Variants in ZMIZ1 observed in about 807,000 individuals in gnomAD.
ZMIZ1 encodes zinc finger MIZ domain-containing protein 1.
In ZMIZ1, 17 loss-of-function variants were observed where a neutral mutation model predicts 113.9. The observed-to-expected ratio is 0.15, with a 90% CI of 0.10 to 0.22. ZMIZ1 has a LOEUF of 0.22. Among genes scored for constraint, ZMIZ1 ranks in the 10% least tolerant of loss-of-function variants. ZMIZ1 has a pLI of 1.00. For synonymous variants in ZMIZ1, 607 were observed against 603.1 expected (o/e 1.01, Z -0.09); for missense variants, 1,059 against 1,477.8 (o/e 0.72, Z 4.65).
intron 4 of ZMIZ1, among the ~76,000 whole-genome samples, chr10:79,181,089 G>A (rs1847105787): frequency 6.6e-6 from 1 of 152,230 alleles, no homozygotes; most frequent in South Asian, 2.1e-4. Context: ...AGGCAGAGCT[G>A]TGGGTTCCCA....
intron 2 of ZMIZ1, among the ~76,000 whole-genome samples, chr10:79,136,986 G>A (rs988265937): frequency 1.3e-5 from 2 of 152,090 alleles, no homozygotes; most frequent in Non-Finnish European, 2.9e-5. Context: ...GTTAAACAGG[G>A]GCCTCATGAG....
At chr10:79,307,789 G>C (rs1244258511) in intron 23 of ZMIZ1, among the ~76,000 whole-genome samples, 2 of 151,930 alleles carry the variant, frequency 1.3e-5, no homozygotes, top group East Asian at 3.9e-4. Context: ...TCTGGAGATG[G>C]GGGAAGCTTC....
Position 79,305,344 on chromosome 10 carries a change from G to A in ZMIZ1, c.2354+113G>A. ...AAATGCAAACCAGAACCCAAACATG[G>A]CAGAGGGGCTCAGGTTATGGGGGCT... On this transcript the variant is annotated intron_variant, in intron 20 of 24. Transcript: ENST00000334512. The A allele has an allele frequency of 3.8e-6, 5 of 1,330,348 alleles. No individual in the cohort carries two copies. In the East Asian group the frequency reaches 9.3e-5, roughly 25 times the overall value. 82.4% of individuals were successfully genotyped at this position (1,330,348 alleles called of 1,614,324 possible).
At position 79,306,172 on chromosome 10, in the gene ZMIZ1, C is replaced by T; in HGVS notation, c.2496C>T (p.His832=). 1.9e-6 allele frequency: 3 copies of T among 1,614,140 alleles called. No homozygotes were observed. The highest frequency in any genetic ancestry group is 1.3e-5 in the African/African-American group (1 of 75,066). Residue 832 remains histidine, a synonymous_variant, in exon 22 of 25, where the codon CAC becomes CAT. Coordinates refer to ENST00000334512, the MANE Select transcript of ZMIZ1 (RefSeq NM_020338.4). ...CGGTGCCCATCAAGTCGGACTTACA[C>T]ATCAAGGACGACCCTGATGGCATCC... ...WRPVPIKSDL[H]IKDDPDGIPS... is the part of the protein sequence containing the mutation.
chr10:79,082,653 C>G (rs541588794), intron 1 of ZMIZ1, among the ~76,000 whole-genome samples: 34 of 152,364 alleles, frequency 2.2e-4, no homozygotes, highest in African/African-American at 8.2e-4. Context: ...TGGTCTCCCC[C>G]TACTTTCACC....
At chr10:79,084,426 T>C (rs1274697589) in intron 1 of ZMIZ1, among the ~76,000 whole-genome samples, 5 of 152,210 alleles carry the variant, frequency 3.3e-5, no homozygotes, top group Non-Finnish European at 5.9e-5. Context: ...TTGGTTACTA[T>C]GGAAACAAGG....
At chr10:79,290,825 C>T in intron 9 of ZMIZ1, 134 bp from the exon 10 acceptor site, 3 of 1,008,446 alleles carry the variant, frequency 3.0e-6, no homozygotes, top group Non-Finnish European at 4.6e-6. Context: ...TTCATCCACC[C>T]TCCATTTTTT....
intron 1 of ZMIZ1, among the ~76,000 whole-genome samples, chr10:79,086,274 C>T (rs1250007): frequency 0.26 from 39,802 of 152,042 alleles, 6,458 homozygotes; most frequent in African/African-American, 0.46. Flanking sequence ...TCCCAGGGAC[C>T]TCCTAGGCAT....
At chr10:79,104,732 A>G (rs2132273208) in intron 1 of ZMIZ1, among the ~76,000 whole-genome samples, 1 of 152,216 alleles carries the variant, frequency 6.6e-6, no homozygotes, top group Non-Finnish European at 1.5e-5. Flanking sequence ...GAGGCCGTGA[A>G]CCTCACCGTA....
chr10:79,312,451 C>T lies in ZMIZ1; in HGVS notation c.3097-191C>T, dbSNP rs1026655237. 3.9e-5 allele frequency among the ~76,000 whole-genome samples: 6 copies of T among 152,234 alleles called. No homozygotes were observed. The East Asian group carries it at 5.8e-4, about 15-fold the overall frequency. ...AATGAGCATGGGGGTGCCCCACACT[C>T]GGTGCAGTGGCCGGGGTATGTGTGG... On this transcript the variant is annotated intron_variant, in intron 24 of 24. Coordinates refer to ENST00000334512, the MANE Select transcript of ZMIZ1 (RefSeq NM_020338.4).
At chr10:79,110,711 A>T (rs1347115281) in intron 1 of ZMIZ1, among the ~76,000 whole-genome samples, 1 of 152,242 alleles carries the variant, frequency 6.6e-6, no homozygotes, top group African/African-American at 2.4e-5. Context: ...GCTGGCTCAG[A>T]GGCTCTGAAA....
intron 7 of ZMIZ1, among the ~76,000 whole-genome samples, chr10:79,274,245 C>T (rs776629021): frequency 2.0e-5 from 3 of 152,242 alleles, no homozygotes; most frequent in Non-Finnish European, 2.9e-5. Flanking sequence ...CAGGTCCTCC[C>T]GTCTCTCCCA....
intron 1 of ZMIZ1, among the ~76,000 whole-genome samples, chr10:79,098,740 C>T (rs182455877): frequency 1.6e-4 from 24 of 152,288 alleles, no homozygotes; most frequent in Admixed American, 7.2e-4. Context: ...GCTGAGGCTG[C>T]GGTTGAGAAG....
chr10:79,184,173 G>C (rs1847250317), intron 4 of ZMIZ1, among the ~76,000 whole-genome samples: 1 of 152,200 alleles, frequency 6.6e-6, no homozygotes, highest in Non-Finnish European at 1.5e-5. Flanking sequence ...AAGAAAAGGG[G>C]AGGTTCTGGG....
chr10:79,126,571 T>C (rs1165316020), intron 2 of ZMIZ1, among the ~76,000 whole-genome samples: 1 of 152,234 alleles, frequency 6.6e-6, no homozygotes, highest in African/African-American at 2.4e-5. Context: ...GGGCAGATAA[T>C]GGGGGCTTTG....
intron 7 of ZMIZ1, among the ~76,000 whole-genome samples, chr10:79,269,280 A>AT (rs1236470373): frequency 6.6e-6 from 1 of 152,036 alleles, no homozygotes; most frequent in Non-Finnish European, 1.5e-5. Flanking sequence ...TCATATTTTT[A>AT]TTGGAATCAT....
At chr10:79,207,024 G>A (rs1848344691) in intron 5 of ZMIZ1, among the ~76,000 whole-genome samples, 1 of 152,250 alleles carries the variant, frequency 6.6e-6, no homozygotes, top group Non-Finnish European at 1.5e-5. Context: ...CCATTTTACA[G>A]ATGAGGCTAC....
intron 7 of ZMIZ1, among the ~76,000 whole-genome samples, chr10:79,266,682 G>A (rs974688519): frequency 6.6e-6 from 1 of 152,210 alleles, no homozygotes; most frequent in African/African-American, 2.4e-5. Flanking sequence ...TCCGAGGACT[G>A]TGAGTCTCTG....
intron 1 of ZMIZ1, among the ~76,000 whole-genome samples, chr10:79,106,081 A>G (rs978147550): frequency 6.6e-6 from 1 of 152,144 alleles, no homozygotes; most frequent in Non-Finnish European, 1.5e-5. Context: ...CAAGGAAACC[A>G]CTCTCGTGGA....
Sources: allele counts gnomAD v4.1 joint callset (sites outside exome capture counted in the v4.1 genomes callset), GRCh38; gene constraint gnomAD v4.1.1; transcripts MANE v1.5; gene names NCBI Gene and HGNC (gene_info 2026-07-23, HGNC 2026-07-21).